The following BSCL2 variants were observed in gnomAD, a reference collection of about 807,000 sequenced individuals.
BSCL2 encodes the protein BSCL2 lipid droplet biogenesis associated, seipin.
In BSCL2, 41 loss-of-function variants were observed where a neutral mutation model predicts 57.4. The observed-to-expected ratio is 0.71, with a 90% CI of 0.56 to 0.93. The LOEUF (loss-of-function observed/expected upper bound fraction) is 0.93, where lower values mean the gene tolerates loss of function less well. Among genes scored for constraint, BSCL2 ranks in the 40% least tolerant of loss-of-function variants. The pLI is 0.00. For synonymous variants in BSCL2, 237 were observed against 227.3 expected (o/e 1.04, Z -0.38); for missense variants, 539 against 586.7 (o/e 0.92, Z 0.84).
rs530728276 is a variant in BSCL2 at position 62,706,393 on chromosome 11, G to C, written c.87+716C>G. ...CCAGGGCGGGGTCCAGCACGGCGGG[G>C]CGGGGCGGGACGGGGCGGAGCCTTC... is the stretch of plus-strand genomic sequence containing the variant. On this transcript the variant is annotated intron_variant, in intron 1 of 10. Transcript: ENST00000360796. 280 of 851,562 alleles carry C rather than the reference G, an allele frequency of 3.3e-4. No homozygotes were observed. In the South Asian group the frequency reaches 3.8e-3, roughly 12 times the overall value. The allele number at this position is 851,562 out of a possible 1,614,324, so 52.8% of individuals were successfully genotyped here. A position where few individuals can be genotyped will look rare whatever the true frequency, so the allele number is the denominator to read the frequency against.
At position 62,707,035 on chromosome 11, in the gene BSCL2, T is replaced by TC. The variant is rs965111219; in HGVS notation, c.87+73dup. On this transcript the variant is annotated intron_variant, in intron 1 of 10. Coordinates refer to ENST00000360796, the MANE Select transcript of BSCL2 (RefSeq NM_001122955.4). ...GAATGAAATTCTTAAAACCAATCCA[T>TC]CCCCCCGCCCCCTTCACGCCAGCCC... is the stretch of plus-strand genomic sequence containing the variant. The TC allele has an allele frequency of 3.1e-6, 4 of 1,295,556 alleles. No homozygotes were observed. In the Admixed American group the frequency reaches 8.4e-5, roughly 27 times the overall value. The allele number at this position is 1,295,556 out of a possible 1,614,324, so 80.3% of individuals were successfully genotyped here.
upstream of BSCL2, chr11:62,707,650 G>T: frequency 2.2e-6 from 1 of 458,654 alleles, no homozygotes; most frequent in Non-Finnish European, 4.0e-6. Flanking sequence ...CCAGGCAGTT[G>T]GTATGCTCCA....
In BSCL2 at chr11:62,707,117, T is replaced by C. The variant is rs2083554077; in HGVS notation, c.79A>G (p.Lys27Glu). The C allele has an allele frequency of 2.6e-6, 4 of 1,553,620 alleles. No individual in the cohort carries two copies. The highest frequency in any genetic ancestry group is 1.7e-4 in the Middle Eastern group (1 of 6,020). ...VCGDQIKGPDKEEEPPAAASH... is the reference protein window; with the variant it reads ...VCGDQIKGPDEEEEPPAAASH... ...CCCACAAGGGCCCCTACCTCCTCTTTGTCCGGTCCTTTGATCTGGTCTCCG... is the reference window on the plus strand; with the variant it reads ...CCCACAAGGGCCCCTACCTCCTCTTCGTCCGGTCCTTTGATCTGGTCTCCG... Residue 27 changes from lysine to glutamate, a missense_variant, in exon 1 of 11, where the codon AAA (lysine) becomes GAA (glutamate). By Grantham distance (56) the Lys-to-Glu change is moderately conservative. Transcript: ENST00000360796.
In BSCL2 at chr11:62,698,872, T is replaced by C. The variant is rs1590877722; in HGVS notation, c.486+3596A>G. Among the ~76,000 whole-genome samples, 8 of 152,294 alleles carry C rather than the reference T, an allele frequency of 5.3e-5. No individual in the cohort carries two copies. The South Asian group carries it at 1.7e-3, about 32-fold the overall frequency. On this transcript the variant is annotated intron_variant, in intron 3 of 10. Transcript: ENST00000360796. ...TGCACCATCCCAGGTTCTGTGGCTTTCTCATTTCTTCTCAATAAAGTCATT... is the reference window on the plus strand; with the variant it reads ...TGCACCATCCCAGGTTCTGTGGCTTCCTCATTTCTTCTCAATAAAGTCATT...
chr11:62,697,909 C>CT (rs1193565203), intron 3 of BSCL2, among the ~76,000 whole-genome samples: 340 of 141,054 alleles, frequency 2.4e-3, no homozygotes, highest in Middle Eastern at 0.011. Context: ...AATCCACATC[C>CT]TTTTTTTTTT....
intron 3 of BSCL2, among the ~76,000 whole-genome samples, chr11:62,695,323 C>T (rs967791033): frequency 2.6e-5 from 4 of 151,858 alleles, no homozygotes; most frequent in Admixed American, 6.6e-5. Flanking sequence ...TGATTCATAT[C>T]TGGCAACAAG....
At chr11:62,706,257 A>C in intron 1 of BSCL2, 1 of 1,099,374 alleles carries the variant, frequency 9.1e-7, no homozygotes, top group Non-Finnish European at 1.1e-6. Flanking sequence ...CTGCCGACTC[A>C]CCAGCCTCGC....
chr11:62,694,689 T>A lies in BSCL2; in HGVS notation c.509A>T (p.Tyr170Phe), dbSNP rs1565146036. 3 of 1,614,176 alleles carry A rather than the reference T, an allele frequency of 1.9e-6. No homozygotes were observed. In the South Asian group the frequency reaches 3.3e-5, roughly 18 times the overall value. The change falls in exon 4 of 11, where the codon TAT becomes TTT. Residue 170 changes from tyrosine to phenylalanine, a missense_variant. Tyr to Phe is a conservative substitution (Grantham distance 22). Around this residue, in one of 3 missense-constraint regions of BSCL2, gnomAD observed 218 missense variants for 224.8 expected, o/e 0.97. Coordinates refer to ENST00000360796, the MANE Select transcript of BSCL2 (RefSeq NM_001122955.4). ...CAGCTCAAGCTCTAAGGTAACACGATACGGCTGTCCATACATCAGCACCTG... is the reference window on the plus strand; with the variant it reads ...CAGCTCAAGCTCTAAGGTAACACGAAACGGCTGTCCATACATCAGCACCTG... ...RDRVLMYGQP[Y>F]RVTLELELPE...
intron 3 of BSCL2, among the ~76,000 whole-genome samples, chr11:62,696,278 T>TTTTTTG (rs1554984017): frequency 3.7e-3 from 510 of 136,326 alleles, no homozygotes; most frequent in Non-Finnish European, 5.5e-3. Context: ...CATAAACTTT[T>TTTTTTG]TGTGTGTGTG....
At chr11:62,692,051 T>TA (rs5792267) in intron 6 of BSCL2, among the ~76,000 whole-genome samples, 1,674 of 132,402 alleles carry the variant, frequency 0.013, 32 homozygotes, top group African/African-American at 0.044. Flanking sequence ...GACCCCCTCT[T>TA]AAAAAAAAAA....
upstream of BSCL2, chr11:62,708,212 G>A (rs1373338411): frequency 5.6e-6 from 5 of 888,900 alleles, no homozygotes; most frequent in Non-Finnish European, 9.7e-6. Flanking sequence ...TATGACCACA[G>A]CCTTGTAAAG....
intron 1 of BSCL2, chr11:62,706,547 G>T: frequency 2.2e-6 from 1 of 460,828 alleles, no homozygotes; most frequent in Non-Finnish European, 4.4e-6. Flanking sequence ...TGCCCCAGGG[G>T]ATGCGCTGAC....
At chr11:62,698,915 T>C (rs1409205281) in intron 3 of BSCL2, among the ~76,000 whole-genome samples, 2 of 152,172 alleles carry the variant, frequency 1.3e-5, no homozygotes, top group African/African-American at 4.8e-5. Context: ...ATTATTTATT[T>C]ATTTATTTTG....
chr11:62,699,707 C>T (rs1279641081), intron 3 of BSCL2, among the ~76,000 whole-genome samples: 15 of 122,588 alleles, frequency 1.2e-4, no homozygotes, highest in African/African-American at 4.7e-4. Context: ...GAGACTGAGT[C>T]TCGCTCTGTC....
At chr11:62,703,081 C>T (rs1016070866) in intron 2 of BSCL2, among the ~76,000 whole-genome samples, 10 of 150,508 alleles carry the variant, frequency 6.6e-5, no homozygotes, top group African/African-American at 2.5e-4. Flanking sequence ...ACCTGGGAGG[C>T]AGAGGTTGTG....
chr11:62,708,077 G>A, upstream of BSCL2: 1 of 587,908 alleles, frequency 1.7e-6, no homozygotes, highest in East Asian at 2.8e-5. Flanking sequence ...ATGATCTGTG[G>A]CCCAGGCCAT....
At chr11:62,697,612 C>A (rs1225435775) in intron 3 of BSCL2, 1 of 151,276 alleles carries the variant, frequency 6.6e-6, no homozygotes, top group African/African-American at 2.4e-5. Flanking sequence ...GTGGTGAAAC[C>A]CCGTCTCTAC....
intron 4 of BSCL2, 62 bp from the exon 5 acceptor site, chr11:62,692,859 T>A: frequency 1.9e-6 from 3 of 1,605,870 alleles, no homozygotes; most frequent in Non-Finnish European, 2.5e-6. Context: ...TGACCCTACC[T>A]ACCCCTCAAC....
chr11:62,708,864 G>A, upstream of BSCL2: 1 of 1,341,338 alleles, frequency 7.5e-7, no homozygotes, highest in Non-Finnish European at 1.1e-6. Flanking sequence ...CCTTCCTTAG[G>A]TCAGTAATTG....
Sources: allele counts gnomAD v4.1 joint callset (sites outside exome capture counted in the v4.1 genomes callset), GRCh38; gene constraint gnomAD v4.1.1; regional missense constraint gnomAD v4.1.1; transcripts MANE v1.5; gene names NCBI Gene and HGNC (gene_info 2026-07-23, HGNC 2026-07-21).